The following RBFOX3 variants were observed in gnomAD, a reference collection of about 807,000 sequenced individuals.
RBFOX3 encodes the protein RNA binding fox-1 homolog 3.
In RBFOX3, 17 loss-of-function variants were observed where a neutral mutation model predicts 48.7. The observed-to-expected ratio is 0.35, with a 90% confidence interval of 0.24 to 0.52. RBFOX3 has a LOEUF of 0.52. Among genes scored for constraint, RBFOX3 ranks in the 20% least tolerant of loss-of-function variants. RBFOX3 has a pLI of 0.94. For synonymous variants in RBFOX3, 212 were observed against 209.5 expected (o/e 1.01, Z -0.10); for missense variants, 382 against 497.5 (o/e 0.77, Z 2.21).
intron 5 of RBFOX3, among the ~76,000 whole-genome samples, chr17:79,112,872 C>T (rs529051390): frequency 3.8e-5 from 5 of 131,674 alleles, no homozygotes; most frequent in Admixed American, 9.0e-5. Context: ...GTTGTGTGCC[C>T]TGACCTGGTG....
intron 2 of RBFOX3, among the ~76,000 whole-genome samples, chr17:79,403,028 C>T (rs1166155761): frequency 6.6e-6 from 1 of 152,140 alleles, no homozygotes; most frequent in Non-Finnish European, 1.5e-5. Context: ...GGCTGACCCT[C>T]CCACCAGGCA....
At chr17:79,332,990 G>T (rs1343114637) in intron 2 of RBFOX3, among the ~76,000 whole-genome samples, 2 of 151,680 alleles carry the variant, frequency 1.3e-5, no homozygotes, top group Non-Finnish European at 2.9e-5. Context: ...GAGAGACAGA[G>T]AGAGAGAAAC....
At chr17:79,273,560 C>T (rs2068125394) in intron 3 of RBFOX3, among the ~76,000 whole-genome samples, 2 of 110,950 alleles carry the variant, frequency 1.8e-5, no homozygotes, top group South Asian at 6.2e-4. Flanking sequence ...ATAGGGTAAA[C>T]AGTGCTCTGG....
rs1042425667 is a variant in RBFOX3, at chr17:79,212,802, A to G, written c.-34+22964T>C. ...CTGGCTCTAAACAGAAGCCAGGCCCATTCTCTCCCTTAGGGGACCCAGACA... is the reference window on the plus strand; with the variant it reads ...CTGGCTCTAAACAGAAGCCAGGCCCGTTCTCTCCCTTAGGGGACCCAGACA... On this transcript the variant is annotated intron_variant, in intron 4 of 14. Coordinates refer to ENST00000693108, the MANE Select transcript of RBFOX3 (RefSeq NM_001350451.2). This position sits in a 1 kb window ranked among gnomAD's most constrained non-coding sequence, Gnocchi z 4.7. Among the ~76,000 whole-genome samples the G allele has an allele frequency of 1.3e-5, 2 of 152,056 alleles. No individual in the cohort carries two copies. Among genetic ancestry groups the G allele is most frequent in the Admixed American group, 1.3e-4 (2 of 15,262 alleles).
chr17:79,645,351 C>T, the RBFOX3 span, among the ~76,000 whole-genome samples: 337 of 152,142 alleles, frequency 2.2e-3, 2 homozygotes, highest in African/African-American at 7.7e-3. Flanking sequence ...CCAGAAACAC[C>T]GCCTCTTTAT....
At chr17:79,125,884 G>A (rs889240926) in intron 4 of RBFOX3, among the ~76,000 whole-genome samples, 6 of 152,216 alleles carry the variant, frequency 3.9e-5, no homozygotes, top group Admixed American at 6.5e-5. Context: ...CCCATCCGCC[G>A]AGCTGTGAGG....
intron 1 of RBFOX3, among the ~76,000 whole-genome samples, chr17:79,550,635 G>A (rs1302425835): frequency 7.2e-5 from 11 of 152,278 alleles, no homozygotes; most frequent in African/African-American, 2.6e-4. Flanking sequence ...GTGGATAGAT[G>A]GGTGGGCAGA....
chr17:79,218,498 AGCG>A (rs1463981914), intron 4 of RBFOX3, among the ~76,000 whole-genome samples: 1 of 152,148 alleles, frequency 6.6e-6, no homozygotes, highest in East Asian at 1.9e-4. Context: ...GGCTTGGCCG[AGCG>A]TGGCTGAGGA....
At chr17:79,256,198 T>A (rs2064821319) in intron 3 of RBFOX3, among the ~76,000 whole-genome samples, 1 of 152,028 alleles carries the variant, frequency 6.6e-6, no homozygotes, top group South Asian at 2.1e-4. Flanking sequence ...GCCTCATCAC[T>A]CCCTCTTAGC....
At position 79,437,214 on chromosome 17, in the gene RBFOX3, G is replaced by A. The variant is rs373942273; in HGVS notation, c.-175+45240C>T. On this transcript the variant is annotated intron_variant, in intron 2 of 14. Transcript: ENST00000693108. ...AGGAGCCCCCCTGGGGTCTGGGGCC[G>A]CCCCATCCCCAAGCCCCAGAGGTTG... Among the ~76,000 whole-genome samples the A allele has an allele frequency of 1.4e-4, 22 of 152,170 alleles. No individual in the cohort carries two copies. The East Asian group carries it at 3.7e-3, about 25-fold the overall frequency.
At chr17:79,155,337 G>A (rs556768776) in intron 4 of RBFOX3, among the ~76,000 whole-genome samples, 40 of 152,192 alleles carry the variant, frequency 2.6e-4, no homozygotes, top group African/African-American at 9.4e-4. Context: ...CCCGCTCCTC[G>A]GGCAACCCCA....
chr17:79,292,499 A>C (rs181257035), intron 3 of RBFOX3, among the ~76,000 whole-genome samples: 35 of 152,190 alleles, frequency 2.3e-4, no homozygotes, highest in Non-Finnish European at 4.7e-4. Flanking sequence ...ATACTGGTTG[A>C]AAAAAGGAAT....
At chr17:79,613,641 G>A (rs1439422007), upstream of RBFOX3, among the ~76,000 whole-genome samples, 1 of 152,128 alleles carries the variant, frequency 6.6e-6, no homozygotes, top group Non-Finnish European at 1.5e-5. Flanking sequence ...AGCTAATTTC[G>A]TGCCCTCTGA....
chr17:79,412,022 G>A (rs1412536004), intron 2 of RBFOX3, among the ~76,000 whole-genome samples: 2 of 152,100 alleles, frequency 1.3e-5, no homozygotes, highest in South Asian at 2.1e-4. Context: ...TGCACATGTT[G>A]TGTATATGTG....
At chr17:79,645,132 C>T in the RBFOX3 span, among the ~76,000 whole-genome samples, 1,680 of 152,280 alleles carry the variant, frequency 0.011, 27 homozygotes, top group African/African-American at 0.039. Flanking sequence ...CTGCCCTTAC[C>T]GCTCACCTGG....
At chr17:79,130,230 C>T (rs546543044) in intron 4 of RBFOX3, among the ~76,000 whole-genome samples, 38 of 152,286 alleles carry the variant, frequency 2.5e-4, no homozygotes, top group African/African-American at 8.2e-4. Context: ...CCACAGCCAC[C>T]GGCTCTCAGG....
intron 2 of RBFOX3, among the ~76,000 whole-genome samples, chr17:79,401,008 C>A (rs942602233): frequency 2.6e-5 from 4 of 152,230 alleles, no homozygotes; most frequent in African/African-American, 9.6e-5. Flanking sequence ...AAAAACACGT[C>A]GTCACAACCC....
chr17:79,315,694 A>C (rs1314866167), intron 2 of RBFOX3, among the ~76,000 whole-genome samples: 1 of 152,248 alleles, frequency 6.6e-6, no homozygotes, highest in Admixed American at 6.5e-5. Context: ...CGACAGCGAC[A>C]GTTTCAAACC....
chr17:79,627,616 A>G, the RBFOX3 span, among the ~76,000 whole-genome samples: 5 of 152,198 alleles, frequency 3.3e-5, no homozygotes, highest in Non-Finnish European at 1.5e-5. Flanking sequence ...CCGAGACCCA[A>G]GCAGCCTGGT....
Sources: gnomAD v4.1 joint callset for allele counts (sites outside exome capture counted in the v4.1 genomes callset) on GRCh38, gnomAD v4.1.1 for gene constraint, Gnocchi (gnomAD v3.1) non-coding constraint, MANE v1.5 for transcripts, NCBI Gene and HGNC (gene_info 2026-07-23, HGNC 2026-07-21) for gene names.